TDP1: variants seen among roughly 807,000 people sequenced by gnomAD.
TDP1 encodes the protein tyrosyl-DNA phosphodiesterase 1.
A neutral mutation model predicts 81.5 loss-of-function variants in TDP1; 64 were observed. The ratio of observed to expected loss-of-function variants is 0.79; its 90% confidence interval spans 0.64 to 0.97. TDP1 has a LOEUF of 0.97. TDP1 is among the 50% of genes least tolerant of loss of function. The pLI is 0.00. For synonymous variants in TDP1, 256 were observed against 264.3 expected, an observed-to-expected ratio of 0.97 and a Z score of 0.30; for missense variants, 723 against 743.8, an observed-to-expected ratio of 0.97 and a Z score of 0.33.
intron 14 of TDP1, among the ~76,000 whole-genome samples, chr14:90,012,839 G>C (rs140296675): frequency 2.0e-5 from 3 of 152,180 alleles, no homozygotes; most frequent in African/African-American, 7.2e-5. Flanking sequence ...GCCAAGAAGG[G>C]GGGCTATGCC....
intron 14 of TDP1, among the ~76,000 whole-genome samples, chr14:90,008,281 A>G (rs1179857805): frequency 6.6e-6 from 1 of 152,080 alleles, no homozygotes; most frequent in Non-Finnish European, 1.5e-5. Context: ...TTTGCCTCTG[A>G]GTTGCATTCT....
chr14:89,996,936 CT>C (rs1421856406), intron 14 of TDP1, among the ~76,000 whole-genome samples: 4 of 152,212 alleles, frequency 2.6e-5, no homozygotes, highest in Non-Finnish European at 5.9e-5. Flanking sequence ...CTACCCATTA[CT>C]CAGCAAATAT....
At position 89,984,629 on chromosome 14, in the gene TDP1, C is replaced by T. The variant is rs142600338; in HGVS notation, c.998C>T (p.Pro333Leu). The change falls in exon 9 of 17, where the codon CCT (proline) becomes CTT (leucine). Residue 333 changes from proline (P) to leucine (L), a missense_variant. Physicochemically the swap from Pro to Leu is moderately conservative, Grantham distance 98 (BLOSUM62 -3). Transcript: ENST00000335725. ...AGTTACTTGATGGCTTATAATGCCC[C>T]TTCTCTCAAGGAGTGGATAGATGTC... is the stretch of plus-strand genomic sequence containing the variant. ...LISYLMAYNA[P>L]SLKEWIDVIH... 7.6e-5 allele frequency: 123 copies of T among 1,614,006 alleles called. No individual in the cohort carries two copies. Among genetic ancestry groups the T allele is most frequent in the Non-Finnish European group, 9.9e-5 (117 of 1,180,040 alleles).
chr14:90,025,780 G>A (rs34984936), intron 15 of TDP1, among the ~76,000 whole-genome samples: 1 of 152,138 alleles, frequency 6.6e-6, no homozygotes, highest in South Asian at 2.1e-4. Context: ...AAACCCAAAG[G>A]CCTCTGTGAA....
intron 5 of TDP1, 129 bp downstream of exon 5, chr14:89,967,551 A>G: frequency 2.5e-6 from 2 of 788,136 alleles, no homozygotes; most frequent in Non-Finnish European, 4.5e-6. Context: ...AATCACACAG[A>G]CATTAAGTTA....
chr14:90,020,527 CCCTT>C (rs1453220195), intron 15 of TDP1, among the ~76,000 whole-genome samples: 2 of 42,116 alleles, frequency 4.7e-5, no homozygotes, highest in Non-Finnish European at 4.0e-5. Context: ...CTCCCTCCCT[CCCTT>C]CCTTCCCTCC....
At chr14:90,001,184 G>C (rs2138227) in intron 14 of TDP1, among the ~76,000 whole-genome samples, 6,832 of 152,240 alleles carry the variant, frequency 0.045, 515 homozygotes, top group African/African-American at 0.15. Flanking sequence ...GTGAAAACTG[G>C]CTACAGAAGG....
chr14:89,984,403 C>A, intron 8 of TDP1, 113 bp from the exon 9 acceptor site: 1 of 1,597,372 alleles, frequency 6.3e-7, no homozygotes, highest in South Asian at 1.1e-5. Flanking sequence ...GATTACTTAC[C>A]ATGTGGAGAT....
At chr14:89,975,937 C>G in intron 7 of TDP1, 122 bp downstream of exon 7, 1 of 810,666 alleles carries the variant, frequency 1.2e-6, no homozygotes, top group East Asian at 2.4e-5. Flanking sequence ...CGATGCTTAA[C>G]TGAGCCTGGG....
chr14:90,004,383 C>A (rs1041075871), intron 14 of TDP1, among the ~76,000 whole-genome samples: 1 of 152,206 alleles, frequency 6.6e-6, no homozygotes, highest in South Asian at 2.1e-4. Flanking sequence ...AAGCCTCTCA[C>A]AAGTAATATA....
intron 14 of TDP1, among the ~76,000 whole-genome samples, chr14:90,008,459 T>A (rs927128132): frequency 6.6e-6 from 1 of 152,232 alleles, no homozygotes; most frequent in Non-Finnish European, 1.5e-5. Context: ...AGAGTCACGC[T>A]GCCTGAGTTC....
At chr14:90,025,254 C>A (rs920057133) in intron 15 of TDP1, among the ~76,000 whole-genome samples, 2 of 152,174 alleles carry the variant, frequency 1.3e-5, no homozygotes, top group African/African-American at 4.8e-5. Context: ...ACCAAGTTGC[C>A]GTGTGATGTG....
At chr14:89,972,348 A>C (rs751085451) in intron 6 of TDP1, among the ~76,000 whole-genome samples, 1 of 152,180 alleles carries the variant, frequency 6.6e-6, no homozygotes. Context: ...AGAACTCTCT[A>C]TCACGAGAAC....
At chr14:90,018,745 T>C (rs189721531) in intron 14 of TDP1, among the ~76,000 whole-genome samples, 61 of 152,276 alleles carry the variant, frequency 4.0e-4, no homozygotes, top group African/African-American at 1.3e-3. Flanking sequence ...ATGCCTGGCT[T>C]GTACCATGAT....
intron 14 of TDP1, among the ~76,000 whole-genome samples, chr14:90,004,211 A>G (rs571432537): frequency 8.5e-5 from 13 of 152,228 alleles, no homozygotes; most frequent in Non-Finnish European, 5.9e-5. Flanking sequence ...CTCATATGAG[A>G]AAGTCTTGTG....
intron 13 of TDP1, 117 bp from the exon 14 acceptor site, chr14:89,993,259 G>A (rs1179503286): frequency 7.1e-6 from 9 of 1,259,934 alleles, no homozygotes; most frequent in South Asian, 2.7e-5. Context: ...TCACAGAGTC[G>A]TGTAGCCACT....
In TDP1 at chr14:90,019,218, T is replaced by C. The variant is rs1885676280; in HGVS notation, c.1542-98T>C. 6 of 1,303,274 alleles carry C rather than the reference T, an allele frequency of 4.6e-6. No individual in the cohort carries two copies. In the East Asian group the frequency reaches 9.8e-5, roughly 21 times the overall value. 80.7% of individuals were successfully genotyped at this position (1,303,274 alleles called of 1,614,324 possible). On this transcript the variant is annotated intron_variant, in intron 14 of 16. Coordinates refer to ENST00000335725, the MANE Select transcript of TDP1 (RefSeq NM_018319.4). Reference sequence around the variant, plus strand: ...GAAAATGAATGAATGTGATTGCAGCTATATATTTTTTTGACCGGTGCTCTT... The same window carrying C: ...GAAAATGAATGAATGTGATTGCAGCCATATATTTTTTTGACCGGTGCTCTT...
At chr14:89,968,328 T>C (rs1049301525) in intron 5 of TDP1, among the ~76,000 whole-genome samples, 23 of 152,206 alleles carry the variant, frequency 1.5e-4, no homozygotes, top group African/African-American at 4.3e-4. Flanking sequence ...CAGAGACTTA[T>C]CCACCTACCC....
intron 15 of TDP1, among the ~76,000 whole-genome samples, chr14:90,027,010 T>A (rs1467831912): frequency 6.6e-6 from 1 of 152,196 alleles, no homozygotes; most frequent in Non-Finnish European, 1.5e-5. Flanking sequence ...ATATTTCTAG[T>A]TCTAGATCCT....
Sources: gnomAD v4.1 joint callset for allele counts (sites outside exome capture counted in the v4.1 genomes callset) on GRCh38, gnomAD v4.1.1 for gene constraint, MANE v1.5 for transcripts, NCBI Gene and HGNC (gene_info 2026-07-23, HGNC 2026-07-21) for gene names.